The following PRSS55 variants were observed in gnomAD, a reference collection of about 807,000 sequenced individuals.
The protein encoded by PRSS55 is serine protease 55.
In PRSS55, 41 loss-of-function variants were observed where a neutral mutation model predicts 23.6. The observed-to-expected ratio is 1.74, with a 90% CI of 1.35 to 2.26. PRSS55 has a LOEUF of 2.26. Ranked by LOEUF, PRSS55 falls within the 30% of genes most tolerant of loss-of-function variation. The pLI is 0.00. For synonymous variants in PRSS55, 262 were observed against 175.5 expected, an observed-to-expected ratio of 1.49 and a Z score of -3.90; for missense variants, 669 against 439.1, an observed-to-expected ratio of 1.52 and a Z score of -4.68.
At chr8:10,525,773 G>A (rs762087258) in intron 1 of PRSS55, 34 bp downstream of exon 1, 13 of 1,553,730 alleles carry the variant, frequency 8.4e-6, no homozygotes, top group Non-Finnish European at 1.0e-5. Context: ...ATGGATGGGG[G>A]CTCATGGTCC....
rs1563535709 is a variant in PRSS55 at position 10,529,555 on chromosome 8, T to A, written c.203T>A (p.Ile68Asn). The A allele has an allele frequency of 6.2e-7, 1 of 1,614,200 alleles. No individual in the cohort carries two copies. Among genetic ancestry groups the A allele is most frequent in the South Asian group, 1.1e-5 (1 of 91,092 alleles). The change falls in exon 2 of 5, where the codon ATC becomes AAC. Residue 68 changes from isoleucine (I) to asparagine (N), a missense_variant. Transcript: ENST00000328655. ...IFEGRTRYSR[I>N]TGGMEAEVGE... ...GAGGGAAGAACTCGGTATTCCAGAA[T>A]CACAGGGGGGATGGAGGCGGAGGTG... is the stretch of plus-strand genomic sequence containing the variant.
downstream of PRSS55, chr8:10,540,498 G>A (rs550145970): frequency 2.6e-5 from 4 of 152,348 alleles, no homozygotes; most frequent in East Asian, 7.8e-4. Flanking sequence ...GATCACCTAA[G>A]GCCAGGAGTT....
Position 10,531,545 on chromosome 8 carries a change from G to C in PRSS55, c.598G>C (p.Ala200Pro). 6.2e-7 allele frequency: 1 copy of C among 1,613,150 alleles called. No individual in the cohort carries two copies. ...GGCAGGTTGGGGCCAGACCAATGCT[G>C]GTATGTGACTGCTCAGCTTCCCCTG... ...WVAGWGQTNA[A>P]DKNSVKTDLM... Residue 200 changes from alanine (A) to proline (P), a missense_variant and splice_region_variant, in exon 3 of 5, where the codon GCT (alanine) becomes CCT (proline). Physicochemically the swap from Ala to Pro is conservative, Grantham distance 27. Transcript: ENST00000328655.
At chr8:10,534,609 T>G (rs1812392046) in intron 4 of PRSS55, among the ~76,000 whole-genome samples, 1 of 152,152 alleles carries the variant, frequency 6.6e-6, no homozygotes, top group Non-Finnish European at 1.5e-5. Flanking sequence ...CAGCCAACAT[T>G]ATACTGAATG....
intron 4 of PRSS55, among the ~76,000 whole-genome samples, chr8:10,550,447 G>C (rs1812927157): frequency 6.6e-6 from 1 of 152,188 alleles, no homozygotes. Context: ...GCATCATCTG[G>C]TGGCAGTTGG....
intron 4 of PRSS55, among the ~76,000 whole-genome samples, chr8:10,548,504 C>T (rs1812874934): frequency 6.6e-6 from 1 of 152,106 alleles, no homozygotes; most frequent in African/African-American, 2.4e-5. Context: ...CACCGCGGGG[C>T]TGCACTGGGT....
downstream of PRSS55, among the ~76,000 whole-genome samples, chr8:10,538,994 C>T (rs1470007417): frequency 6.6e-6 from 1 of 150,720 alleles, no homozygotes; most frequent in South Asian, 2.1e-4. Context: ...TTCTAGGTGA[C>T]AGTCACCTAA....
intron 4 of PRSS55, among the ~76,000 whole-genome samples, chr8:10,553,285 A>C (rs571841223): frequency 6.6e-6 from 1 of 152,350 alleles, no homozygotes; most frequent in East Asian, 1.9e-4. Context: ...AGGCCTCTCC[A>C]GTCATGTGGA....
Position 10,532,947 on chromosome 8 carries a change from A to T in PRSS55, c.640A>T (p.Met214Leu). 1 of 1,614,216 alleles carries T rather than the reference A, an allele frequency of 6.2e-7. No homozygotes were observed. The highest frequency in any genetic ancestry group is 8.5e-7 in the Non-Finnish European group (1 of 1,180,028). ...SVKTDLMKAP[M>L]VIMDWEECSK... ...GAAAACGGATCTGATGAAAGCGCCA[A>T]TGGTCATCATGGACTGGGAGGAGTG... Residue 214 changes from methionine to leucine, a missense_variant, in exon 4 of 5, where the codon ATG (methionine) becomes TTG (leucine). Met to Leu is a conservative substitution (Grantham distance 15). Coordinates refer to ENST00000328655, the MANE Select transcript of PRSS55 (RefSeq NM_198464.4).
intron 2 of PRSS55, among the ~76,000 whole-genome samples, chr8:10,530,938 T>C (rs1419277054): frequency 3.9e-5 from 6 of 152,142 alleles, no homozygotes; most frequent in African/African-American, 1.2e-4. Context: ...ATGAATGCCT[T>C]ATCTATCTGA....
intron 4 of PRSS55, among the ~76,000 whole-genome samples, chr8:10,545,794 G>C (rs574174331): frequency 8.5e-5 from 13 of 152,330 alleles, no homozygotes; most frequent in African/African-American, 2.6e-4. Flanking sequence ...TCCTAGCCCA[G>C]AATAGCTTAA....
downstream of PRSS55, among the ~76,000 whole-genome samples, chr8:10,542,203 T>C (rs1403068007): frequency 6.6e-6 from 1 of 152,150 alleles, no homozygotes; most frequent in Non-Finnish European, 1.5e-5. Context: ...TTTTCATACC[T>C]AGAGTCACAC....
In PRSS55 at chr8:10,538,601, G is replaced by C; in HGVS notation, c.867G>C (p.Val289=). Residue 289 remains valine, a synonymous_variant, in exon 5 of 5, where the codon GTG becomes GTC. Coordinates refer to ENST00000328655, the MANE Select transcript of PRSS55 (RefSeq NM_198464.4). The part of the protein sequence containing the change: ...KNTPGIYTSL[V]NYNLWIEKVT... ...CCCCAGGGATATACACCTCGTTGGT[G>C]AACTACAACCTCTGGATCGAGAAAG... 6.2e-7 allele frequency: 1 copy of C among 1,614,142 alleles called. No homozygotes were observed. The highest frequency in any genetic ancestry group is 8.5e-7 in the Non-Finnish European group (1 of 1,180,014).
chr8:10,533,468 A>G (rs1439595106), intron 4 of PRSS55, among the ~76,000 whole-genome samples: 2 of 152,218 alleles, frequency 1.3e-5, no homozygotes, highest in Non-Finnish European at 2.9e-5. Flanking sequence ...GGGACCCTAC[A>G]GTTTCCTGGA....
At chr8:10,545,243 G>A (rs2117074772) in intron 4 of PRSS55, 1 of 151,582 alleles carries the variant, frequency 6.6e-6, no homozygotes, top group South Asian at 2.1e-4. Context: ...TATCACCCAG[G>A]CTGGAGGGGA....
At chr8:10,530,920 A>G (rs1812229983) in intron 2 of PRSS55, among the ~76,000 whole-genome samples, 1 of 152,114 alleles carries the variant, frequency 6.6e-6, no homozygotes, top group African/African-American at 2.4e-5. Context: ...TACAAAACAG[A>G]TATAATAATG....
At chr8:10,530,132 GC>G (rs1335311577) in intron 2 of PRSS55, among the ~76,000 whole-genome samples, 3 of 152,194 alleles carry the variant, frequency 2.0e-5, no homozygotes, top group African/African-American at 7.2e-5. Context: ...TGGATGCCTG[GC>G]ATTACCAAGG....
At chr8:10,536,697 A>G (rs1261313039) in intron 4 of PRSS55, among the ~76,000 whole-genome samples, 1 of 152,174 alleles carries the variant, frequency 6.6e-6, no homozygotes, top group African/African-American at 2.4e-5. Flanking sequence ...AAAAAAAACA[A>G]AATCATATCC....
intron 4 of PRSS55, among the ~76,000 whole-genome samples, chr8:10,548,906 A>C (rs1812886835): frequency 6.6e-6 from 1 of 152,008 alleles, no homozygotes; most frequent in South Asian, 2.1e-4. Flanking sequence ...CCCAGAGATC[A>C]AAGTCAAAAG....
Sources: gnomAD v4.1 joint callset for allele counts (sites outside exome capture counted in the v4.1 genomes callset) on GRCh38, gnomAD v4.1.1 for gene constraint, MANE v1.5 for transcripts, NCBI Gene and HGNC (gene_info 2026-07-23, HGNC 2026-07-21) for gene names.